The following USP20 variants were observed in gnomAD, a reference collection of about 807,000 sequenced individuals.
The protein encoded by USP20 is ubiquitin carboxyl-terminal hydrolase 20.
A neutral mutation model predicts 124.2 loss-of-function variants in USP20; 80 were observed. The ratio of observed to expected loss-of-function variants is 0.64; its 90% CI spans 0.54 to 0.78. USP20 has a LOEUF of 0.78. Ranked by LOEUF, USP20 falls within the 30% of genes least tolerant of loss-of-function variation. USP20 has a pLI of 0.00. For synonymous variants in USP20, 481 were observed against 512.3 expected (o/e 0.94, Z 0.83); for missense variants, 1,043 against 1,244.4 (o/e 0.84, Z 2.44).
intron 1 of USP20, among the ~76,000 whole-genome samples, chr9:129,847,884 G>C: frequency 6.8e-6 from 1 of 146,814 alleles, no homozygotes; most frequent in East Asian, 2.0e-4. Flanking sequence ...TGGTATATAT[G>C]TTTTTGTATC....
intron 10 of USP20, among the ~76,000 whole-genome samples, chr9:129,866,081 C>G (rs2033807998): frequency 6.6e-6 from 1 of 152,224 alleles, no homozygotes; most frequent in Non-Finnish European, 1.5e-5. Flanking sequence ...GGCTCCTGCC[C>G]TCCAGCCTCC....
Position 129,870,067 on chromosome 9 carries a change from G to A in USP20, c.1565+223G>A, listed in dbSNP as rs149927374. ...TAGTCCCTTGGAGCTGGAGGGCGAT[G>A]GACAGCAGGGAGGTGACCACATGGC... On this transcript the variant is annotated intron_variant, in intron 14 of 25. Transcript: ENST00000372429. The A allele has an allele frequency of 6.1e-4, 373 of 613,280 alleles. 1 individual carries two copies. Among genetic ancestry groups the A allele is most frequent in the Middle Eastern group, 3.1e-3 (7 of 2,254 alleles). 38.0% of individuals were successfully genotyped at this position (613,280 alleles called of 1,614,324 possible). A position where few individuals can be genotyped will look rare whatever the true frequency, so the allele number is the denominator to read the frequency against.
chr9:129,868,270 G>A lies in USP20; in HGVS notation c.956G>A (p.Arg319Gln), dbSNP rs1239502791. ...TELLIPDEAG[R>Q]AISEKERMKD... ...CTGCTGATCCCAGATGAGGCGGGCCGAGCCATCTCTGAGAAGGAGCGGATG... is the reference window on the plus strand; with the variant it reads ...CTGCTGATCCCAGATGAGGCGGGCCAAGCCATCTCTGAGAAGGAGCGGATG... Residue 319 changes from arginine to glutamine, a missense_variant, in exon 11 of 26, where the codon CGA becomes CAA. Transcript: ENST00000372429. 1.4e-5 allele frequency: 22 copies of A among 1,613,886 alleles called. No individual in the cohort carries two copies. Among genetic ancestry groups the A allele is most frequent in the East Asian group, 8.9e-5 (4 of 44,888 alleles).
chr9:129,840,499 A>G (rs2032138890), intron 1 of USP20, among the ~76,000 whole-genome samples: 1 of 152,222 alleles, frequency 6.6e-6, no homozygotes, highest in Non-Finnish European at 1.5e-5. Flanking sequence ...GAGAAAGGGA[A>G]TCTATTTTTT....
At chr9:129,843,612 T>G (rs1465973689) in intron 1 of USP20, among the ~76,000 whole-genome samples, 6 of 147,452 alleles carry the variant, frequency 4.1e-5, no homozygotes, top group Non-Finnish European at 7.5e-5. Flanking sequence ...TGGTGTGTGC[T>G]TGTAATCCCA....
intron 10 of USP20, 137 bp downstream of exon 10, chr9:129,865,518 C>T: frequency 1.2e-6 from 1 of 850,962 alleles, no homozygotes; most frequent in East Asian, 2.7e-5. Flanking sequence ...GCTCTCACTC[C>T]TAAGCCCTTC....
rs35071307 is a variant in USP20 at position 129,875,412 on chromosome 9, C to T, written c.2151C>T (p.Leu717=). Residue 717 remains leucine (L), a synonymous_variant, in exon 20 of 26, where the codon CTC becomes CTT. Coordinates refer to ENST00000372429, the MANE Select transcript of USP20 (RefSeq NM_001110303.4). Reference sequence around the variant, plus strand: ...GGTTCTACGTGTCCCGCGAGTGGCTCAACAAGTTCAACACCTTCGCGGAGC... The same window carrying T: ...GGTTCTACGTGTCCCGCGAGTGGCTTAACAAGTTCAACACCTTCGCGGAGC... ...LLRFYVSREW[L]NKFNTFAEPG... 0.016 allele frequency: 25,808 copies of T among 1,613,704 alleles called. 426 individuals are homozygous for T. Among genetic ancestry groups the T allele is most frequent in the South Asian group, 0.061 (5,584 of 91,080 alleles).
rs187810294 is a variant in USP20, at chr9:129,872,899, C to A, written c.1661-583C>A. On this transcript the variant is annotated intron_variant, in intron 15 of 25. Transcript: ENST00000372429. ...GTAATTAATGTTGCACTTCCCACCC[C>A]ACCTCCATTTTGCCTTTTGCCTTTT... Among the ~76,000 whole-genome samples the A allele has an allele frequency of 5.9e-5, 9 of 151,940 alleles. No homozygotes were observed. The East Asian group carries it at 1.5e-3, about 26-fold the overall frequency.
intron 1 of USP20, among the ~76,000 whole-genome samples, chr9:129,846,231 A>ATG (rs1157378243): frequency 2.0e-4 from 7 of 35,186 alleles, no homozygotes; most frequent in African/African-American, 6.7e-4. Context: ...GCCCAGCCAT[A>ATG]TATATATATA....
intron 1 of USP20, among the ~76,000 whole-genome samples, chr9:129,841,916 G>A (rs2032239879): frequency 6.6e-6 from 1 of 152,168 alleles, no homozygotes; most frequent in Non-Finnish European, 1.5e-5. Flanking sequence ...GTGGTCTCAT[G>A]GAGGGTGCCC....
At chr9:129,836,802 T>C (rs960463795) in intron 1 of USP20, among the ~76,000 whole-genome samples, 1 of 152,182 alleles carries the variant, frequency 6.6e-6, no homozygotes, top group African/African-American at 2.4e-5. Context: ...CAAACCCAGA[T>C]GCACGTGCAC....
At chr9:129,849,632 G>A (rs2032785983) in intron 1 of USP20, among the ~76,000 whole-genome samples, 181 bp from the exon 2 acceptor site, 1 of 152,110 alleles carries the variant, frequency 6.6e-6, no homozygotes, top group Non-Finnish European at 1.5e-5. Flanking sequence ...GTGTGGTGGT[G>A]CACACCTATA....
rs573751790 is a variant in USP20 at position 129,873,751 on chromosome 9, C to T, written c.1740+7C>T. On this transcript the variant is annotated splice_region_variant and intron_variant, in intron 17 of 25. Coordinates refer to ENST00000372429, the MANE Select transcript of USP20 (RefSeq NM_001110303.4). ...AGTCCTGCGGTTGCCCGAGGTGAGC[C>T]AGTGGCCTCGGCAGCCTCCTCCTCA... is the stretch of plus-strand genomic sequence containing the variant. The T allele has an allele frequency of 2.8e-5, 45 of 1,611,526 alleles. No homozygotes were observed. In the Admixed American group the frequency reaches 3.3e-4, roughly 12 times the overall value.
chr9:129,844,458 T>C (rs973100147), intron 1 of USP20, among the ~76,000 whole-genome samples: 1 of 151,546 alleles, frequency 6.6e-6, no homozygotes, highest in Non-Finnish European at 1.5e-5. Context: ...AAACCCCATA[T>C]CTACAAAAAA....
chr9:129,879,727 C>G lies in USP20; in HGVS notation c.2584+83C>G. 7 of 1,491,224 alleles carry G rather than the reference C, an allele frequency of 4.7e-6. No individual in the cohort carries two copies. The highest frequency in any genetic ancestry group is 6.5e-6 in the Non-Finnish European group (7 of 1,073,676). The allele number at this position is 1,491,224 out of a possible 1,614,324, so 92.4% of individuals were successfully genotyped here. On this transcript the variant is annotated intron_variant, in intron 24 of 25. Transcript: ENST00000372429. This position sits in a 1 kb window ranked among gnomAD's most constrained non-coding sequence, Gnocchi z 4.2. ...CTGCCCAGTCCCGTCCTTCCAGGAG[C>G]CCCCTTACCACCTGTCTTAGAGTCA...
At chr9:129,867,936 C>T (rs2033899876) in intron 10 of USP20, 69 bp from the exon 11 acceptor site, 1 of 1,532,982 alleles carries the variant, frequency 6.5e-7, no homozygotes, top group South Asian at 1.3e-5. Context: ...CTCTCATCAG[C>T]CACAGGGCGC....
intron 1 of USP20, among the ~76,000 whole-genome samples, chr9:129,843,761 CAAAA>C (rs889161470): frequency 6.6e-6 from 1 of 151,772 alleles, no homozygotes; most frequent in Non-Finnish European, 1.5e-5. Flanking sequence ...CAAAACAAAA[CAAAA>C]AGATTTAGTC....
intron 10 of USP20, among the ~76,000 whole-genome samples, chr9:129,867,489 C>G (rs937282988): frequency 6.6e-6 from 1 of 152,034 alleles, no homozygotes; most frequent in Non-Finnish European, 1.5e-5. Context: ...GCAGGGGGAG[C>G]CAGAGGAAGG....
intron 15 of USP20, among the ~76,000 whole-genome samples, 168 bp downstream of exon 15, chr9:129,870,715 G>A (rs2034080484): frequency 6.6e-6 from 1 of 152,246 alleles, no homozygotes; most frequent in African/African-American, 2.4e-5. Flanking sequence ...TGCCAGCCAC[G>A]CTGGACCAGG....
Sources: allele counts gnomAD v4.1 joint callset (sites outside exome capture counted in the v4.1 genomes callset), GRCh38; gene constraint gnomAD v4.1.1; non-coding constraint Gnocchi (gnomAD v3.1); transcripts MANE v1.5; gene names NCBI Gene and HGNC (gene_info 2026-07-23, HGNC 2026-07-21).